Variants in NT5E observed in about 807,000 individuals in gnomAD.
The protein encoded by NT5E is 5'-nucleotidase.
A neutral mutation model predicts 55.1 loss-of-function variants in NT5E; 53 were observed. That is an observed-to-expected ratio of 0.96 (90% CI 0.77 to 1.21). The LOEUF (loss-of-function observed/expected upper bound fraction) is 1.21. Among genes scored for constraint, NT5E ranks in the 50% most tolerant of loss-of-function variants. The probability of loss-of-function intolerance (pLI) is 0.00; values close to 1 mark genes in which losing one functional copy is unlikely to be tolerated. For synonymous variants in NT5E, 270 were observed against 278.4 expected, an observed-to-expected ratio of 0.97 and a Z score of 0.30; for missense variants, 683 against 724.3, an observed-to-expected ratio of 0.94 and a Z score of 0.65.
At chr6:85,486,668 G>T (rs1386779592) in intron 4 of NT5E, among the ~76,000 whole-genome samples, 1 of 152,194 alleles carries the variant, frequency 6.6e-6, no homozygotes, top group Non-Finnish European at 1.5e-5. Context: ...CATTGTGGCA[G>T]TCCAACCTGG....
Position 85,476,472 on chromosome 6 carries a change from C to G in NT5E, c.751+5047C>G, listed in dbSNP as rs181839092. On this transcript the variant is annotated intron_variant, in intron 3 of 8. Coordinates refer to ENST00000257770, the MANE Select transcript of NT5E (RefSeq NM_002526.4). ...ACTCTGTGCGGCCCCGCAGCAGCAT[C>G]TAGGTGAGTATCTGTGACCCCTGGA... Among the ~76,000 whole-genome samples the G allele has an allele frequency of 2.6e-5, 4 of 152,302 alleles. No individual in the cohort carries two copies. In the East Asian group the frequency reaches 7.7e-4, roughly 29 times the overall value.
Position 85,456,425 on chromosome 6 carries a change from A to G in NT5E, c.339+5947A>G, listed in dbSNP as rs190788329. On this transcript the variant is annotated intron_variant, in intron 1 of 8. Transcript: ENST00000257770. Reference sequence around the variant, plus strand: ...TGGTTGGGAATACAGGTGGCCCAGGACTCTCGACTGGTGTCTGAAGTGGGG... The same window carrying G: ...TGGTTGGGAATACAGGTGGCCCAGGGCTCTCGACTGGTGTCTGAAGTGGGG... 3.3e-3 allele frequency among the ~76,000 whole-genome samples: 496 copies of G among 151,928 alleles called. 2 individuals carry two copies. Among genetic ancestry groups the G allele is most frequent in the African/African-American group, 0.011 (468 of 41,432 alleles).
At chr6:85,460,500 TA>T (rs946503739) in intron 1 of NT5E, among the ~76,000 whole-genome samples, 2 of 152,220 alleles carry the variant, frequency 1.3e-5, no homozygotes, top group Non-Finnish European at 2.9e-5. Flanking sequence ...TACTTTTAGA[TA>T]AAGAGGGAAG....
At position 85,467,167 on chromosome 6, in the gene NT5E, A is replaced by G. The variant is rs1769213407; in HGVS notation, c.447A>G (p.Pro149=). 1 of 1,614,078 alleles carries G rather than the reference A, an allele frequency of 6.2e-7. No individual in the cohort carries two copies. Among genetic ancestry groups the G allele is most frequent in the South Asian group, 1.1e-5 (1 of 91,078 alleles). Residue 149 remains proline, a synonymous_variant, in exon 2 of 9, where the codon CCA becomes CCG. Transcript: ENST00000257770. ...ILSANIKAKG[P]LASQISGLYL... is the part of the protein sequence containing the mutation. ...GTGCAAACATTAAAGCAAAGGGGCC[A>G]CTAGCATCTCAAATATCAGGACTTT...
chr6:85,471,084 G>A (rs1769294440), intron 2 of NT5E, among the ~76,000 whole-genome samples, 153 bp from the exon 3 acceptor site: 1 of 151,978 alleles, frequency 6.6e-6, no homozygotes, highest in Admixed American at 6.6e-5. Flanking sequence ...TACTTCTTAG[G>A]GGTTTTGTAT....
chr6:85,490,461 T>C (rs539006977), intron 6 of NT5E, 47 bp from the exon 7 acceptor site: 1 of 1,612,046 alleles, frequency 6.2e-7, no homozygotes, highest in African/African-American at 1.3e-5. Context: ...GGTGTAAGCA[T>C]TTTCTCAAGC....
chr6:85,472,907 G>C (rs928400990), intron 3 of NT5E, among the ~76,000 whole-genome samples: 67 of 151,832 alleles, frequency 4.4e-4, no homozygotes, highest in African/African-American at 1.4e-3. Context: ...CAGTAGTAGG[G>C]CTTTTTTTTT....
chr6:85,463,331 C>T (rs1453537724), intron 1 of NT5E, among the ~76,000 whole-genome samples: 1 of 152,032 alleles, frequency 6.6e-6, no homozygotes, highest in Non-Finnish European at 1.5e-5. Context: ...TGAATGAGCT[C>T]AATCTTAGTA....
intron 5 of NT5E, among the ~76,000 whole-genome samples, chr6:85,488,982 G>A (rs578101887): frequency 6.6e-6 from 1 of 150,702 alleles, no homozygotes; most frequent in South Asian, 2.1e-4. Flanking sequence ...AAGTAAGAAT[G>A]GATGTGATTC....
chr6:85,460,558 T>G (rs1385978727), intron 1 of NT5E, among the ~76,000 whole-genome samples: 1 of 152,228 alleles, frequency 6.6e-6, no homozygotes, highest in East Asian at 1.9e-4. Context: ...ACACACAATG[T>G]GGATGGAATC....
chr6:85,469,496 G>A (rs1455726706), intron 2 of NT5E, among the ~76,000 whole-genome samples: 2 of 152,212 alleles, frequency 1.3e-5, no homozygotes, highest in Non-Finnish European at 2.9e-5. Flanking sequence ...GTCAGAAGGT[G>A]CTAAGGCTGT....
At chr6:85,492,894 G>C (rs777306894) in intron 8 of NT5E, among the ~76,000 whole-genome samples, 4 of 152,172 alleles carry the variant, frequency 2.6e-5, no homozygotes, top group Non-Finnish European at 4.4e-5. Flanking sequence ...TGTCATTTTA[G>C]CTACTTATTC....
At chr6:85,486,023 G>A (rs1041944092) in intron 4 of NT5E, among the ~76,000 whole-genome samples, 1 of 152,202 alleles carries the variant, frequency 6.6e-6, no homozygotes, top group Admixed American at 6.5e-5. Flanking sequence ...TTCTGGTCCT[G>A]CGGTGCCAAC....
At chr6:85,454,977 G>C (rs1458263530) in intron 1 of NT5E, among the ~76,000 whole-genome samples, 2 of 151,858 alleles carry the variant, frequency 1.3e-5, no homozygotes, top group African/African-American at 4.8e-5. Context: ...CAAAGGTGTA[G>C]AGGCAGGAAT....
intron 1 of NT5E, among the ~76,000 whole-genome samples, chr6:85,463,058 T>C (rs1037992890): frequency 3.9e-5 from 6 of 152,230 alleles, no homozygotes; most frequent in Admixed American, 3.3e-4. Flanking sequence ...GTTTCTTTCA[T>C]ATAAGATCAT....
At chr6:85,458,345 T>C (rs1769027192) in intron 1 of NT5E, among the ~76,000 whole-genome samples, 1 of 152,238 alleles carries the variant, frequency 6.6e-6, no homozygotes, top group Admixed American at 6.5e-5. Flanking sequence ...ACTCCCATCC[T>C]GGGGCTGTGG....
chr6:85,458,779 G>A (rs1465118034), intron 1 of NT5E, among the ~76,000 whole-genome samples: 1 of 152,190 alleles, frequency 6.6e-6, no homozygotes, highest in African/African-American at 2.4e-5. Context: ...GAATGTTGAT[G>A]TGCCTATTTT....
intron 1 of NT5E, among the ~76,000 whole-genome samples, chr6:85,464,320 A>C (rs1769148384): frequency 2.0e-5 from 3 of 152,174 alleles, no homozygotes; most frequent in Admixed American, 2.0e-4. Flanking sequence ...ACTCTTTACT[A>C]ACTCACTTTC....
intron 1 of NT5E, among the ~76,000 whole-genome samples, chr6:85,456,258 C>A (rs1768989458): frequency 1.3e-5 from 2 of 152,172 alleles, no homozygotes; most frequent in African/African-American, 4.8e-5. Flanking sequence ...CATGCCTTGC[C>A]CTGTGCATCT....
Sources: allele counts gnomAD v4.1 joint callset (sites outside exome capture counted in the v4.1 genomes callset), GRCh38; gene constraint gnomAD v4.1.1; transcripts MANE v1.5; gene names NCBI Gene and HGNC (gene_info 2026-07-23, HGNC 2026-07-21).